Variants in TCP11L2 observed in about 807,000 individuals in gnomAD.
The protein encoded by TCP11L2 is T-complex protein 11-like protein 2.
A neutral mutation model predicts 50.7 loss-of-function variants in TCP11L2; 39 were observed. The observed-to-expected ratio is 0.77, with a 90% CI of 0.60 to 1.01. The LOEUF is 1.01. Among genes scored for constraint, TCP11L2 ranks in the 50% least tolerant of loss-of-function variants. TCP11L2 has a pLI of 0.00. For missense variants in TCP11L2, 612 were observed against 614.7 expected (o/e 1.00, Z 0.05); for synonymous variants, 192 against 219.3 (o/e 0.88, Z 1.10).
intron 1 of TCP11L2, chr12:106,303,306 CT>C (rs2034495293): frequency 6.5e-6 from 1 of 153,026 alleles, no homozygotes; most frequent in Non-Finnish European, 1.5e-5. Flanking sequence ...TTCCCCCACA[CT>C]CCTCGGCCGG....
chr12:106,321,535 T>C lies in TCP11L2; in HGVS notation c.464T>C (p.Ile155Thr). The change falls in exon 5 of 10, where the codon ATC (isoleucine) becomes ACC (threonine). Residue 155 changes from isoleucine to threonine, a missense_variant. By Grantham distance (89) the Ile-to-Thr change is moderately conservative (BLOSUM62 -1). Transcript: ENST00000299045. Reference sequence around the variant, plus strand: ...GGTGGCAACCGGCTTCGCAACCAAATCTGTGAAGTTTTGGACACAGACCTC... The same window carrying C: ...GGTGGCAACCGGCTTCGCAACCAAACCTGTGAAGTTTTGGACACAGACCTC... ...TPGGNRLRNQ[I>T]CEVLDTDLIR... The C allele has an allele frequency of 6.2e-7, 1 of 1,614,220 alleles. No individual in the cohort carries two copies. The highest frequency in any genetic ancestry group is 1.6e-4 in the Middle Eastern group (1 of 6,062).
In TCP11L2 at chr12:106,346,378, C is replaced by T. The variant is rs1219832644; in HGVS notation, c.1408C>T (p.Gln470Ter). The T allele has an allele frequency of 5.0e-6, 8 of 1,614,176 alleles. No individual in the cohort carries two copies. The highest frequency in any genetic ancestry group is 6.8e-6 in the Non-Finnish European group (8 of 1,180,002). Residue 470 changes from glutamine (Q) to a stop codon, truncating the protein, a stop_gained, in exon 10 of 10, where the codon CAG becomes TAG. Transcript: ENST00000299045. LOFTEE classifies it high-confidence loss of function. Reference sequence around the variant, plus strand: ...TATGCCAGGAGGCCTAGCTGTCATTCAGCAGGAGCTAGAAGCCCTAGGCTC... The same window carrying T: ...TATGCCAGGAGGCCTAGCTGTCATTTAGCAGGAGCTAGAAGCCCTAGGCTC... ...PPMPGGLAVI[Q>*]QELEALGSQY...
chr12:106,340,829 C>A lies in TCP11L2; in HGVS notation c.1146C>A (p.Thr382=). Residue 382 remains threonine (T), a synonymous_variant, in exon 9 of 10, where the codon ACC becomes ACA. Coordinates refer to ENST00000299045, the MANE Select transcript of TCP11L2 (RefSeq NM_152772.3). ...AATTTCATTTTATGTTTCATAGGAC[C>A]TTTAACTTGAAGGAAGTCCTGAATT... The part of the protein sequence containing the change: ...AVLLEGMNKE[T]FNLKEVLNSI... 4 of 1,589,090 alleles carry A rather than the reference C, an allele frequency of 2.5e-6. No individual in the cohort carries two copies. Among genetic ancestry groups the A allele is most frequent in the Non-Finnish European group, 3.4e-6 (4 of 1,172,366 alleles).
At chr12:106,339,954 A>C (rs2036039851) in intron 8 of TCP11L2, among the ~76,000 whole-genome samples, 1 of 152,216 alleles carries the variant, frequency 6.6e-6, no homozygotes, top group Non-Finnish European at 1.5e-5. Context: ...CATGTGCCTG[A>C]TAATCTGCTA....
At chr12:106,299,673 G>A (rs2034382056), upstream of TCP11L2, among the ~76,000 whole-genome samples, 2 of 152,144 alleles carry the variant, frequency 1.3e-5, no homozygotes, top group Non-Finnish European at 2.9e-5. Flanking sequence ...AGTAAGAGAA[G>A]CCTCACAACT....
intron 1 of TCP11L2, 49 bp from the exon 2 acceptor site, chr12:106,310,992 C>A: frequency 1.3e-6 from 2 of 1,492,906 alleles, no homozygotes; most frequent in Non-Finnish European, 1.8e-6. Flanking sequence ...TTGGTGGTGC[C>A]TGTGGAAGTA....
chr12:106,308,808 A>G lies in TCP11L2; in HGVS notation c.-35-2233A>G, dbSNP rs1403684608. On this transcript the variant is annotated intron_variant, in intron 1 of 9. Coordinates refer to ENST00000299045, the MANE Select transcript of TCP11L2 (RefSeq NM_152772.3). ...TTAACGTGTCATGATATCAGGTTGCAAATGTTCTGGTTGAAGCTGTACCAA... is the reference window on the plus strand; with the variant it reads ...TTAACGTGTCATGATATCAGGTTGCGAATGTTCTGGTTGAAGCTGTACCAA... Among the ~76,000 whole-genome samples the G allele has an allele frequency of 3.9e-5, 6 of 152,324 alleles. No individual in the cohort carries two copies. In the East Asian group the frequency reaches 7.7e-4, roughly 20 times the overall value.
chr12:106,328,759 C>T (rs2136755885), intron 6 of TCP11L2, among the ~76,000 whole-genome samples: 1 of 152,240 alleles, frequency 6.6e-6, no homozygotes, highest in South Asian at 2.1e-4. Context: ...AGGAAGTTTG[C>T]AGAATCAAAG....
At position 106,314,403 on chromosome 12, in the gene TCP11L2, C is replaced by T. The variant is rs554702005; in HGVS notation, c.203C>T (p.Thr68Ile). The T allele has an allele frequency of 6.2e-7, 1 of 1,613,240 alleles. No individual in the cohort carries two copies. The highest frequency in any genetic ancestry group is 8.5e-7 in the Non-Finnish European group (1 of 1,179,324). The change falls in exon 3 of 10, where the codon ACA becomes ATA. Residue 68 changes from threonine (T) to isoleucine (I), a missense_variant. Coordinates refer to ENST00000299045, the MANE Select transcript of TCP11L2 (RefSeq NM_152772.3). ...GTAACATTTGATGAAGTGATGGCTA[C>T]AGCAAGGAACTTATCAAACTTGACT... is the stretch of plus-strand genomic sequence containing the variant. ...RVVTFDEVMA[T>I]ARNLSNLTLA...
intron 9 of TCP11L2, among the ~76,000 whole-genome samples, chr12:106,343,035 A>AACTT (rs2036134025): frequency 6.6e-6 from 1 of 152,198 alleles, no homozygotes; most frequent in Non-Finnish European, 1.5e-5. Context: ...AATCTCATTC[A>AACTT]AAGTACTGTT....
upstream of TCP11L2, among the ~76,000 whole-genome samples, chr12:106,298,231 C>T (rs2034375173): frequency 6.6e-6 from 1 of 152,056 alleles, no homozygotes; most frequent in Non-Finnish European, 1.5e-5. Flanking sequence ...TCTTCCAAAT[C>T]ACAGGATATA....
intron 2 of TCP11L2, chr12:106,312,347 A>G (rs774232677): frequency 1.3e-4 from 142 of 1,132,360 alleles, no homozygotes; most frequent in Non-Finnish European, 2.1e-5. Flanking sequence ...TTTGGATATC[A>G]CTGGATTATT....
chr12:106,313,708 A>G (rs1039171045), intron 2 of TCP11L2, among the ~76,000 whole-genome samples: 5 of 151,520 alleles, frequency 3.3e-5, no homozygotes, highest in African/African-American at 9.7e-5. Context: ...TCAATTTCCT[A>G]TATAATACAT....
chr12:106,318,753 T>C (rs1156556710), intron 4 of TCP11L2, among the ~76,000 whole-genome samples: 2 of 152,092 alleles, frequency 1.3e-5, no homozygotes, highest in Non-Finnish European at 2.9e-5. Flanking sequence ...CTCTGTTGCC[T>C]AGGCTGGAGT....
chr12:106,340,659 G>T (rs187044236), intron 8 of TCP11L2, among the ~76,000 whole-genome samples, 167 bp from the exon 9 acceptor site: 9 of 152,198 alleles, frequency 5.9e-5, no homozygotes, highest in African/African-American at 1.9e-4. Flanking sequence ...TACATCAGAA[G>T]GTTGGTGGTT....
At chr12:106,346,154 G>A (rs1326754421) in intron 9 of TCP11L2, 132 bp from the exon 10 acceptor site, 15 of 910,338 alleles carry the variant, frequency 1.6e-5, no homozygotes, top group Non-Finnish European at 1.9e-5. Context: ...CCTTGGAAAG[G>A]GGATGGGTGC....
chr12:106,312,257 ATTTTTTTT>A, intron 2 of TCP11L2: 87 of 289,784 alleles, frequency 3.0e-4, no homozygotes, highest in East Asian at 5.7e-4. Context: ...TTTAGTTTCC[ATTTTTTTT>A]TTTTTTTTTT....
rs150328481 is a variant in TCP11L2, at chr12:106,346,362, A to C, written c.1392A>C (p.Gly464=). The C allele has an allele frequency of 1.3e-3, 2,126 of 1,614,128 alleles. 20 individuals carry two copies. In the African/African-American group the frequency reaches 0.024, roughly 18 times the overall value. The change falls in exon 10 of 10, where the codon GGA becomes GGC. Residue 464 remains glycine, a synonymous_variant. Coordinates refer to ENST00000299045, the MANE Select transcript of TCP11L2 (RefSeq NM_152772.3). Reference sequence around the variant, plus strand: ...AAAAATGCATGCCTCCTATGCCAGGAGGCCTAGCTGTCATTCAGCAGGAGC... The same window carrying C: ...AAAAATGCATGCCTCCTATGCCAGGCGGCCTAGCTGTCATTCAGCAGGAGC... The part of the protein sequence containing the change: ...SPQKCMPPMP[G]GLAVIQQELE...
intron 4 of TCP11L2, among the ~76,000 whole-genome samples, chr12:106,319,122 A>G (rs1259243635): frequency 1.3e-5 from 2 of 152,028 alleles, no homozygotes; most frequent in Non-Finnish European, 2.9e-5. Flanking sequence ...CTTGTTAGCC[A>G]GGATGGTCTC....
Sources: allele counts gnomAD v4.1 joint callset (sites outside exome capture counted in the v4.1 genomes callset), GRCh38; gene constraint gnomAD v4.1.1; transcripts MANE v1.5; gene names NCBI Gene and HGNC (gene_info 2026-07-23, HGNC 2026-07-21).